Variants in CHCHD6 observed in about 807,000 individuals in gnomAD.
The protein encoded by CHCHD6 is MICOS complex subunit MIC25.
Under a neutral mutation model 32.3 loss-of-function variants are expected in CHCHD6, and 28 were observed. The observed-to-expected ratio is 0.87, with a 90% confidence interval of 0.64 to 1.19. CHCHD6 has a LOEUF of 1.19. Ranked by LOEUF, CHCHD6 falls within the 50% of genes most tolerant of loss-of-function variation. The pLI, the probability that CHCHD6 is intolerant of heterozygous loss-of-function variation, is 0.00. For missense variants in CHCHD6, 333 were observed against 307.0 expected, an observed-to-expected ratio of 1.08 and a Z score of -0.63; for synonymous variants, 122 against 117.5, an observed-to-expected ratio of 1.04 and a Z score of -0.25.
chr3:126,756,566 A>G (rs189551459), intron 4 of CHCHD6, among the ~76,000 whole-genome samples: 1 of 152,314 alleles, frequency 6.6e-6, no homozygotes, highest in African/African-American at 2.4e-5. Flanking sequence ...CTACTCTGTC[A>G]TACCCACACC....
chr3:126,897,213 G>A (rs756818717), intron 5 of CHCHD6, among the ~76,000 whole-genome samples: 5 of 152,184 alleles, frequency 3.3e-5, no homozygotes, highest in African/African-American at 7.2e-5. Context: ...CAGGGCTAGC[G>A]TCTCTATTCA....
intron 5 of CHCHD6, 123 bp downstream of exon 5, chr3:126,852,853 G>C: frequency 3.0e-6 from 2 of 666,336 alleles, no homozygotes; most frequent in Non-Finnish European, 5.5e-6. Flanking sequence ...CCAGATGCCA[G>C]TCACTCCTTG....
rs548269706 is a variant in CHCHD6 at position 126,772,305 on chromosome 3, G to A, written c.411+39083G>A. Among the ~76,000 whole-genome samples, 40 of 152,198 alleles carry A rather than the reference G, an allele frequency of 2.6e-4. No individual in the cohort carries two copies. The East Asian group carries it at 6.2e-3, about 24-fold the overall frequency. ...TTTAGTAGAGGCAGGGTTTCACCAT[G>A]TTAGCCAGGATGGTCTTGATCTCCT... is the stretch of plus-strand genomic sequence containing the variant. On this transcript the variant is annotated intron_variant, in intron 4 of 7. Transcript: ENST00000290913.
At position 126,727,090 on chromosome 3, in the gene CHCHD6, G is replaced by C. The variant is rs144601524; in HGVS notation, c.100G>C (p.Val34Leu). The change falls in exon 2 of 8, where the codon GTG becomes CTG. Residue 34 changes from valine to leucine, a missense_variant. By Grantham distance (32) the Val-to-Leu change is conservative. Transcript: ENST00000290913. ...VLQGVRLSENVVNRMKEPSSP... is the reference protein window; with the variant it reads ...VLQGVRLSENLVNRMKEPSSP... Reference sequence around the variant, plus strand: ...TCTGCTTCCTTAGCTGTCTGAAAACGTGGTGAACCGCATGAAGGAGCCCAG... The same window carrying C: ...TCTGCTTCCTTAGCTGTCTGAAAACCTGGTGAACCGCATGAAGGAGCCCAG... 1 of 1,613,288 alleles carries C rather than the reference G, an allele frequency of 6.2e-7. No homozygotes were observed. Among genetic ancestry groups the C allele is most frequent in the Admixed American group, 1.7e-5 (1 of 59,984 alleles).
In CHCHD6 at chr3:126,943,290, G is replaced by A. The variant is rs186776278; in HGVS notation, c.567-14126G>A. On this transcript the variant is annotated intron_variant, in intron 6 of 7. Coordinates refer to ENST00000290913, the MANE Select transcript of CHCHD6 (RefSeq NM_032343.3). ...CAAGGCTTTCATTCTTTGTTTTTTC[G>A]GAAAACAACTCAAAGTCCTTTCGTG... Among the ~76,000 whole-genome samples, 282 of 152,192 alleles carry A rather than the reference G, an allele frequency of 1.9e-3. 3 individuals carry two copies. The highest frequency in any genetic ancestry group is 6.4e-3 in the African/African-American group (265 of 41,510).
intron 5 of CHCHD6, among the ~76,000 whole-genome samples, chr3:126,862,424 C>A (rs1327563759): frequency 1.6e-5 from 2 of 126,508 alleles, no homozygotes; most frequent in African/African-American, 5.9e-5. Context: ...TCCACCATCA[C>A]CACCTCCTCC....
chr3:126,913,524 G>C (rs2107589721), intron 5 of CHCHD6, among the ~76,000 whole-genome samples: 1 of 152,224 alleles, frequency 6.6e-6, no homozygotes, highest in Middle Eastern at 3.4e-3. Context: ...TTGAGGAGTA[G>C]ATGTGGTTGT....
At chr3:126,787,041 A>G (rs1048639101) in intron 4 of CHCHD6, among the ~76,000 whole-genome samples, 1 of 152,190 alleles carries the variant, frequency 6.6e-6, no homozygotes, top group Non-Finnish European at 1.5e-5. Flanking sequence ...CTTTCTACAT[A>G]TGGCTAGCCA....
At chr3:126,712,163 G>A (rs1419745090) in intron 1 of CHCHD6, among the ~76,000 whole-genome samples, 1 of 152,184 alleles carries the variant, frequency 6.6e-6, no homozygotes, top group Non-Finnish European at 1.5e-5. Context: ...CTGCCTTGGT[G>A]GTTCTGAAAC....
At chr3:126,811,622 A>G (rs897214817) in intron 4 of CHCHD6, among the ~76,000 whole-genome samples, 6 of 152,000 alleles carry the variant, frequency 3.9e-5, no homozygotes, top group Non-Finnish European at 5.9e-5. Flanking sequence ...CCAGTGGACC[A>G]GCAGCAAGGT....
At chr3:126,722,505 G>A (rs1429122373) in intron 1 of CHCHD6, among the ~76,000 whole-genome samples, 2 of 152,140 alleles carry the variant, frequency 1.3e-5, no homozygotes, top group Non-Finnish European at 2.9e-5. Flanking sequence ...TCGTGGGTGT[G>A]ATGTGGTACC....
At chr3:126,770,961 C>CT (rs1234199107) in intron 4 of CHCHD6, among the ~76,000 whole-genome samples, 1 of 151,962 alleles carries the variant, frequency 6.6e-6, no homozygotes, top group African/African-American at 2.4e-5. Flanking sequence ...TGGTCTTGTG[C>CT]TTTTTTTGGT....
chr3:126,735,197 G>T (rs1935990510), intron 4 of CHCHD6, among the ~76,000 whole-genome samples: 1 of 152,118 alleles, frequency 6.6e-6, no homozygotes, highest in Non-Finnish European at 1.5e-5. Flanking sequence ...ACAACCTACA[G>T]GTCTGCTGTC....
chr3:126,942,225 A>C (rs1019665688), intron 6 of CHCHD6, among the ~76,000 whole-genome samples: 3 of 152,130 alleles, frequency 2.0e-5, no homozygotes, highest in African/African-American at 7.2e-5. Flanking sequence ...GCTGACCTAG[A>C]CCTGGTCACA....
intron 4 of CHCHD6, among the ~76,000 whole-genome samples, chr3:126,824,581 A>AAAAAC (rs1940306562): frequency 1.4e-5 from 2 of 147,386 alleles, no homozygotes; most frequent in Non-Finnish European, 3.0e-5. Flanking sequence ...AAAAAAAAAA[A>AAAAAC]GTCAAATGTT....
At chr3:126,730,497 A>T in intron 2 of CHCHD6, 64 bp from the exon 3 acceptor site, 1 of 1,357,188 alleles carries the variant, frequency 7.4e-7, no homozygotes, top group Non-Finnish European at 1.0e-6. Flanking sequence ...TCTCTGGGTG[A>T]CCTCTGTGAC....
At chr3:126,718,678 G>A (rs770942124) in intron 1 of CHCHD6, among the ~76,000 whole-genome samples, 1 of 152,174 alleles carries the variant, frequency 6.6e-6, no homozygotes, top group Non-Finnish European at 1.5e-5. Context: ...CTCCTCCCCT[G>A]TACTGCTCTA....
chr3:126,754,795 C>T (rs561230891), intron 4 of CHCHD6, among the ~76,000 whole-genome samples: 97 of 152,280 alleles, frequency 6.4e-4, no homozygotes, highest in African/African-American at 2.1e-3. Context: ...TCTAGCAGGA[C>T]CTGTTTAGGA....
rs946277406 is a variant in CHCHD6, at chr3:126,853,212, C to T, written c.495+482C>T. The stretch of plus-strand genomic sequence containing the variant: ...CACTCACTGCTTTTCTAAGGATAAG[C>T]CTTTGAAATGAATGAGATTTAAAAA... On this transcript the variant is annotated intron_variant, in intron 5 of 7. Transcript: ENST00000290913. Among the ~76,000 whole-genome samples, 23 of 149,568 alleles carry T rather than the reference C, an allele frequency of 1.5e-4. No homozygotes were observed. The East Asian group carries it at 4.3e-3, about 28-fold the overall frequency.
Sources: allele counts gnomAD v4.1 joint callset (sites outside exome capture counted in the v4.1 genomes callset), GRCh38; gene constraint gnomAD v4.1.1; transcripts MANE v1.5; gene names NCBI Gene and HGNC (gene_info 2026-07-23, HGNC 2026-07-21).